RUNX1: variants seen among roughly 807,000 people sequenced by gnomAD.
RUNX1 encodes runt-related transcription factor 1.
Under a neutral mutation model 42.8 loss-of-function variants are expected in RUNX1, and 19 were observed. The ratio of observed to expected loss-of-function variants is 0.44; its 90% CI spans 0.31 to 0.65. The LOEUF (loss-of-function observed/expected upper bound fraction) is 0.65. Among genes scored for constraint, RUNX1 ranks in the 30% least tolerant of loss-of-function variants. RUNX1 has a pLI of 0.07. For missense variants in RUNX1, 528 were observed against 672.0 expected (o/e 0.79, Z 2.37); for synonymous variants, 271 against 289.4 (o/e 0.94, Z 0.64).
chr21:34,943,391 C>T (rs2058542146), intron 2 of RUNX1, among the ~76,000 whole-genome samples: 1 of 152,174 alleles, frequency 6.6e-6, no homozygotes, highest in Non-Finnish European at 1.5e-5. Context: ...TTCCAGCACA[C>T]AATAACTCAA....
intron 5 of RUNX1, among the ~76,000 whole-genome samples, chr21:34,868,727 G>C (rs536274683): frequency 6.6e-6 from 1 of 152,332 alleles, no homozygotes; most frequent in South Asian, 2.1e-4. Flanking sequence ...TCACAACAGG[G>C]ATGGCCTACT....
intron 7 of RUNX1, among the ~76,000 whole-genome samples, chr21:34,822,349 C>T (rs999553661): frequency 1.3e-4 from 20 of 152,330 alleles, no homozygotes; most frequent in African/African-American, 4.8e-4. Flanking sequence ...TTGGTCTGTT[C>T]TATAAATACG....
In RUNX1 at chr21:34,901,353, T is replaced by TA. The variant is rs1386181862; in HGVS notation, c.59-8391dup. Among the ~76,000 whole-genome samples, 6 of 151,156 alleles carry TA rather than the reference T, an allele frequency of 4.0e-5. No individual in the cohort carries two copies. In the East Asian group the frequency reaches 5.9e-4, roughly 15 times the overall value. On this transcript the variant is annotated intron_variant, in intron 2 of 8. Coordinates refer to ENST00000675419, the MANE Select transcript of RUNX1 (RefSeq NM_001754.5). The surrounding 1 kb of genome is among the most constrained non-coding windows in gnomAD (Gnocchi z 4.3). ...GGTGAAACCCCGTCTCTACTGAAAA[T>TA]AAAAAAAGTAGCTGGGCGTGGTGGC...
intron 2 of RUNX1, among the ~76,000 whole-genome samples, chr21:34,929,751 A>C (rs1204248763): frequency 6.6e-6 from 1 of 152,182 alleles, no homozygotes; most frequent in Non-Finnish European, 1.5e-5. Flanking sequence ...AAAAGACCTT[A>C]GTTGAATATT....
At chr21:34,797,462 A>G (rs1221768457) in intron 8 of RUNX1, among the ~76,000 whole-genome samples, 2 of 152,228 alleles carry the variant, frequency 1.3e-5, no homozygotes, top group Admixed American at 1.3e-4. Flanking sequence ...TAAGGTGCTG[A>G]TCTTGGGTGA....
chr21:34,905,067 T>A (rs2058207290), intron 2 of RUNX1, among the ~76,000 whole-genome samples: 1 of 152,148 alleles, frequency 6.6e-6, no homozygotes, highest in Non-Finnish European at 1.5e-5. Context: ...TCAAATTGAG[T>A]CAGGTCCTGA....
At chr21:34,913,764 T>C (rs538343749) in intron 2 of RUNX1, among the ~76,000 whole-genome samples, 5 of 152,336 alleles carry the variant, frequency 3.3e-5, no homozygotes, top group South Asian at 4.1e-4. Flanking sequence ...CAGTTAACAA[T>C]GTATTACACT....
chr21:34,961,639 A>G lies in RUNX1; in HGVS notation c.59-68676T>C, dbSNP rs1354573782. On this transcript the variant is annotated intron_variant, in intron 2 of 8. Coordinates refer to ENST00000675419, the MANE Select transcript of RUNX1 (RefSeq NM_001754.5). ...TTTAAGGCAAGCAGTAGCAGCTCGT[A>G]TATTTTACTAATAACGACACCTGGC... is the stretch of plus-strand genomic sequence containing the variant. Among the ~76,000 whole-genome samples the G allele has an allele frequency of 2.6e-5, 4 of 152,200 alleles. No homozygotes were observed. The South Asian group carries it at 8.3e-4, about 31-fold the overall frequency.
At chr21:35,025,559 G>C (rs989700507) in intron 2 of RUNX1, among the ~76,000 whole-genome samples, 4 of 152,202 alleles carry the variant, frequency 2.6e-5, no homozygotes, top group Non-Finnish European at 5.9e-5. Flanking sequence ...TCTTTGGCCT[G>C]AGTTTTCCTC....
chr21:34,982,158 T>A (rs1320532667), intron 2 of RUNX1, among the ~76,000 whole-genome samples: 3 of 152,222 alleles, frequency 2.0e-5, no homozygotes, highest in Non-Finnish European at 4.4e-5. Flanking sequence ...ATATTAGCGC[T>A]TATCTACTCA....
rs1296296720 is a variant in RUNX1 at position 34,993,645 on chromosome 21, GCA to G, written c.58+55195_58+55196del. Among the ~76,000 whole-genome samples the G allele has an allele frequency of 5.7e-3, 83 of 14,622 alleles. 1 individual carries two copies. The highest frequency in any genetic ancestry group is 0.016 in the African/African-American group (59 of 3,752). The allele number at this position is 14,622 out of a possible 152,430, so 9.6% of individuals were successfully genotyped here. On this transcript the variant is annotated intron_variant, in intron 2 of 8. Coordinates refer to ENST00000675419, the MANE Select transcript of RUNX1 (RefSeq NM_001754.5). ...CAGACACACACACAGACACACACAG[GCA>G]CACACACACAGACACACAGAGACAC...
At chr21:34,807,535 AGGG>A (rs1436560662) in intron 7 of RUNX1, among the ~76,000 whole-genome samples, 1 of 152,218 alleles carries the variant, frequency 6.6e-6, no homozygotes, top group Non-Finnish European at 1.5e-5. Context: ...TATAAACCCT[AGGG>A]GCAGCCCTGG....
chr21:34,939,146 C>T (rs2058507977), intron 2 of RUNX1, among the ~76,000 whole-genome samples: 1 of 152,168 alleles, frequency 6.6e-6, no homozygotes, highest in Admixed American at 6.5e-5. Context: ...ATGCCTTCTA[C>T]ATTAGAGAAT....
intron 2 of RUNX1, among the ~76,000 whole-genome samples, chr21:35,008,667 C>T (rs886297665): frequency 3.0e-4 from 46 of 152,244 alleles, no homozygotes; most frequent in Admixed American, 2.8e-3. Context: ...GATCAAAGTT[C>T]TATAGCAGTG....
At chr21:34,982,590 G>A (rs2058855533) in intron 2 of RUNX1, among the ~76,000 whole-genome samples, 1 of 151,984 alleles carries the variant, frequency 6.6e-6, no homozygotes, top group Non-Finnish European at 1.5e-5. Context: ...TATTTTTTGA[G>A]ATGGAGTCTC....
chr21:34,859,932 ATTTATAATTCAGG>A (rs2057547809), intron 5 of RUNX1, among the ~76,000 whole-genome samples: 1 of 152,198 alleles, frequency 6.6e-6, no homozygotes. Context: ...TTTCCCAATT[ATTTATAATTCAGG>A]GCAAATAAGA....
At chr21:34,847,407 AT>A (rs2057332253) in intron 6 of RUNX1, among the ~76,000 whole-genome samples, 1 of 152,188 alleles carries the variant, frequency 6.6e-6, no homozygotes. Context: ...ACGAGATAAT[AT>A]CTACTTTCAA....
chr21:34,821,037 A>G (rs1361143822), intron 7 of RUNX1, among the ~76,000 whole-genome samples: 1 of 152,218 alleles, frequency 6.6e-6, no homozygotes, highest in Non-Finnish European at 1.5e-5. Flanking sequence ...ACAGTTTACC[A>G]TTTGGTCTTG....
At chr21:35,022,737 G>A (rs1461800660) in intron 2 of RUNX1, among the ~76,000 whole-genome samples, 2 of 151,944 alleles carry the variant, frequency 1.3e-5, no homozygotes, top group African/African-American at 2.4e-5. Flanking sequence ...TCTACTAAAA[G>A]TACAAAAGCT....
Sources: gnomAD v4.1 joint callset for allele counts (sites outside exome capture counted in the v4.1 genomes callset) on GRCh38, gnomAD v4.1.1 for gene constraint, Gnocchi (gnomAD v3.1) non-coding constraint, MANE v1.5 for transcripts, NCBI Gene and HGNC (gene_info 2026-07-23, HGNC 2026-07-21) for gene names.